ARID4B: variants seen among roughly 807,000 people sequenced by gnomAD.
The protein encoded by ARID4B is AT-rich interactive domain-containing protein 4B.
ARID4B carries 26 observed loss-of-function variants against 147.5 expected under a neutral mutation model. The observed-to-expected ratio is 0.18, with a 90% CI of 0.13 to 0.24. The LOEUF is 0.24. Ranked by LOEUF, ARID4B falls within the 10% of genes least tolerant of loss-of-function variation. The pLI, the probability that ARID4B is intolerant of heterozygous loss-of-function variation, is 1.00. For synonymous variants in ARID4B, 512 were observed against 507.9 expected, an observed-to-expected ratio of 1.01 and a Z score of -0.11; for missense variants, 1,179 against 1,511.5, an observed-to-expected ratio of 0.78 and a Z score of 3.65.
At chr1:235,259,662 C>A (rs1320490575) in intron 3 of ARID4B, among the ~76,000 whole-genome samples, 1 of 152,162 alleles carries the variant, frequency 6.6e-6, no homozygotes, top group East Asian at 1.9e-4. Context: ...CCAAGACTAG[C>A]CCCCTACCAG....
At chr1:235,201,874 A>G (rs1252716615) in intron 17 of ARID4B, among the ~76,000 whole-genome samples, 1 of 151,860 alleles carries the variant, frequency 6.6e-6, no homozygotes, top group Admixed American at 6.6e-5. Context: ...ACAGAGCAAG[A>G]CTCTGTCTCA....
intron 2 of ARID4B, among the ~76,000 whole-genome samples, chr1:235,277,425 G>A (rs1671385725): frequency 6.6e-6 from 1 of 151,738 alleles, no homozygotes; most frequent in African/African-American, 2.4e-5. Flanking sequence ...TGTAATCCCA[G>A]CTACTCGGGA....
intron 22 of ARID4B, among the ~76,000 whole-genome samples, chr1:235,174,881 G>A (rs545408831): frequency 5.3e-5 from 8 of 151,360 alleles, no homozygotes; most frequent in East Asian, 1.9e-4. Context: ...CGAGGCGGGC[G>A]GATCATGAGG....
intron 2 of ARID4B, among the ~76,000 whole-genome samples, chr1:235,308,389 G>A (rs545770968): frequency 1.7e-4 from 26 of 151,508 alleles, no homozygotes; most frequent in African/African-American, 5.3e-4. Flanking sequence ...TTACAGGCAT[G>A]AGCCACCGCT....
At chr1:235,248,604 A>G (rs940603457) in intron 6 of ARID4B, among the ~76,000 whole-genome samples, 11 of 152,236 alleles carry the variant, frequency 7.2e-5, no homozygotes, top group Admixed American at 2.0e-4. Flanking sequence ...TTTATATCAC[A>G]CAGTGTGATT....
intron 2 of ARID4B, among the ~76,000 whole-genome samples, chr1:235,323,196 C>T (rs368954642): frequency 2.6e-5 from 4 of 152,120 alleles, no homozygotes; most frequent in African/African-American, 9.6e-5. Context: ...CGCCACCATG[C>T]CCAGCTAATT....
intron 2 of ARID4B, among the ~76,000 whole-genome samples, chr1:235,271,513 C>T (rs1420753727): frequency 1.3e-5 from 2 of 151,578 alleles, no homozygotes; most frequent in Non-Finnish European, 2.9e-5. Context: ...ACCTGTAATC[C>T]CAGCTACTTG....
chr1:235,275,552 A>G (rs1023608528), intron 2 of ARID4B, among the ~76,000 whole-genome samples: 2 of 152,210 alleles, frequency 1.3e-5, no homozygotes, highest in African/African-American at 4.8e-5. Flanking sequence ...TCCTCAAGCC[A>G]AACTGGAGTT....
chr1:235,178,389 G>A (rs1416543601), intron 20 of ARID4B, among the ~76,000 whole-genome samples: 1 of 151,886 alleles, frequency 6.6e-6, no homozygotes, highest in Admixed American at 6.6e-5. Flanking sequence ...TTCATACTTG[G>A]TTCTTTTTTA....
chr1:235,260,995 C>A (rs925656658), intron 2 of ARID4B, among the ~76,000 whole-genome samples: 1 of 152,244 alleles, frequency 6.6e-6, no homozygotes, highest in East Asian at 1.9e-4. Flanking sequence ...TACATATGGT[C>A]CATGATATGA....
In ARID4B at chr1:235,223,277, A is replaced by G. The variant is rs776032396; in HGVS notation, c.971-17T>C. The G allele has an allele frequency of 4.4e-6, 6 of 1,378,260 alleles. No homozygotes were observed. The highest frequency in any genetic ancestry group is 6.0e-6 in the Non-Finnish European group (6 of 1,004,844). 85.4% of individuals were successfully genotyped at this position (1,378,260 alleles called of 1,614,324 possible). A position where few individuals can be genotyped will look rare whatever the true frequency, so the allele number is the denominator to read the frequency against. On this transcript the variant is annotated splice_polypyrimidine_tract_variant and intron_variant, in intron 12 of 23. Coordinates refer to ENST00000264183, the MANE Select transcript of ARID4B (RefSeq NM_016374.6). ...TAGGTGTACCTGTTACAGAAAACAC[A>G]AACTATATTAGATCCACACTACATT... is the stretch of plus-strand genomic sequence containing the variant.
At chr1:235,319,094 G>A (rs1674640102) in intron 2 of ARID4B, among the ~76,000 whole-genome samples, 1 of 152,142 alleles carries the variant, frequency 6.6e-6, no homozygotes. Flanking sequence ...TTCAAGGCCA[G>A]CCTAGGTAAC....
At chr1:235,309,957 G>C (rs1201725972) in intron 2 of ARID4B, among the ~76,000 whole-genome samples, 1 of 152,112 alleles carries the variant, frequency 6.6e-6, no homozygotes, top group African/African-American at 2.4e-5. Flanking sequence ...GATGTGCTTT[G>C]TTAAACAGAT....
chr1:235,229,221 T>C lies in ARID4B; in HGVS notation c.897+10A>G. The C allele has an allele frequency of 6.2e-7, 1 of 1,607,598 alleles. No individual in the cohort carries two copies. The highest frequency in any genetic ancestry group is 8.5e-7 in the Non-Finnish European group (1 of 1,178,200). ...TATAATTTTAAAAGGTATCAACTGT[T>C]TTCACTTACTTCTTCTTCACTGCTA... On this transcript the variant is annotated intron_variant, in intron 11 of 23. Transcript: ENST00000264183.
intron 2 of ARID4B, among the ~76,000 whole-genome samples, chr1:235,305,336 G>A (rs532541422): frequency 2.0e-4 from 31 of 152,174 alleles, no homozygotes; most frequent in African/African-American, 4.1e-4. Context: ...TCTGACTTCC[G>A]GATTTGTTCA....
intron 2 of ARID4B, among the ~76,000 whole-genome samples, chr1:235,300,435 A>G (rs1673037962): frequency 6.6e-6 from 1 of 151,974 alleles, no homozygotes; most frequent in African/African-American, 2.4e-5. Flanking sequence ...AAAAAAAAGA[A>G]AAACAGACTC....
At chr1:235,241,896 G>A (rs12745603) in intron 7 of ARID4B, among the ~76,000 whole-genome samples, 42,990 of 151,992 alleles carry the variant, frequency 0.28, 7,444 homozygotes, top group South Asian at 0.53. Flanking sequence ...TCAATGATCA[G>A]TCAAATAACT....
chr1:235,192,316 A>G (rs1665167897), intron 19 of ARID4B, among the ~76,000 whole-genome samples: 1 of 152,192 alleles, frequency 6.6e-6, no homozygotes, highest in African/African-American at 2.4e-5. Context: ...AGTCCAGACT[A>G]TAATTACTTC....
In ARID4B at chr1:235,175,417, G is replaced by T. The variant is rs1663792155; in HGVS notation, c.3449-18C>A. On this transcript the variant is annotated intron_variant, in intron 21 of 23. Coordinates refer to ENST00000264183, the MANE Select transcript of ARID4B (RefSeq NM_016374.6). ...ACTATTTGCTGAAAGAGAAAGAAAAGATTTAATAAACAAAAATGTAACAAT... is the reference window on the plus strand; with the variant it reads ...ACTATTTGCTGAAAGAGAAAGAAAATATTTAATAAACAAAAATGTAACAAT... 1 of 1,569,666 alleles carries T rather than the reference G, an allele frequency of 6.4e-7. No individual in the cohort carries two copies. The highest frequency in any genetic ancestry group is 8.7e-7 in the Non-Finnish European group (1 of 1,146,316).
Sources: allele counts gnomAD v4.1 joint callset (sites outside exome capture counted in the v4.1 genomes callset), GRCh38; gene constraint gnomAD v4.1.1; transcripts MANE v1.5; gene names NCBI Gene and HGNC (gene_info 2026-07-23, HGNC 2026-07-21).